Variants in MTSS1 observed in about 807,000 individuals in gnomAD.
MTSS1 encodes protein MTSS 1.
In MTSS1, 18 loss-of-function variants were observed where a neutral mutation model predicts 79.0. That is an observed-to-expected ratio of 0.23 (90% confidence interval 0.16 to 0.34). The LOEUF (loss-of-function observed/expected upper bound fraction) is 0.34. Among genes scored for constraint, MTSS1 ranks in the 10% least tolerant of loss-of-function variants. The pLI is 1.00. For missense variants in MTSS1, 815 were observed against 986.2 expected, an observed-to-expected ratio of 0.83 and a Z score of 2.33; for synonymous variants, 341 against 368.6, an observed-to-expected ratio of 0.93 and a Z score of 0.86.
intron 3 of MTSS1, among the ~76,000 whole-genome samples, chr8:124,690,852 A>G (rs934299511): frequency 7.9e-5 from 12 of 152,186 alleles, no homozygotes; most frequent in African/African-American, 2.9e-4. Context: ...AAAACAAGGT[A>G]TTTTTTTAAA....
chr8:124,697,330 C>T (rs1196620511), intron 3 of MTSS1, among the ~76,000 whole-genome samples: 1 of 151,460 alleles, frequency 6.6e-6, no homozygotes, highest in Admixed American at 6.6e-5. Context: ...GAGGCTGAGG[C>T]GGGCAGATCA....
At position 124,621,105 on chromosome 8, in the gene MTSS1, C is replaced by T. The variant is rs74720150; in HGVS notation, c.209-29870G>A. 5.2e-3 allele frequency among the ~76,000 whole-genome samples: 793 copies of T among 152,256 alleles called. 8 individuals carry two copies. The highest frequency in any genetic ancestry group is 0.018 in the African/African-American group (730 of 41,526). On this transcript the variant is annotated intron_variant, in intron 3 of 13. Coordinates refer to ENST00000518547, the MANE Select transcript of MTSS1 (RefSeq NM_014751.6). ...GACTCCTCTTCCTTCCCACGCATCC[C>T]ACTCTTCCCCTTTCCTCCACCCAAA...
Position 124,718,523 on chromosome 8 carries a change from C to A in MTSS1, c.72+9361G>T, listed in dbSNP as rs542405723. ...CAGGCCCTCGATCACATCCTGCTGC[C>A]GAGCGGGCTTTGAAGGTTCAGTAAA... On this transcript the variant is annotated intron_variant, in intron 1 of 13. Coordinates refer to ENST00000518547, the MANE Select transcript of MTSS1 (RefSeq NM_014751.6). Among the ~76,000 whole-genome samples, 4 of 152,180 alleles carry A rather than the reference C, an allele frequency of 2.6e-5. No individual in the cohort carries two copies. In the South Asian group the frequency reaches 8.3e-4, roughly 32 times the overall value.
At chr8:124,606,485 G>T (rs1019378528) in intron 3 of MTSS1, among the ~76,000 whole-genome samples, 9 of 152,200 alleles carry the variant, frequency 5.9e-5, no homozygotes, top group Admixed American at 3.3e-4. Flanking sequence ...TACAGATGAG[G>T]CCAAGGGTAC....
At chr8:124,692,620 C>T (rs761952870) in intron 3 of MTSS1, among the ~76,000 whole-genome samples, 2 of 152,162 alleles carry the variant, frequency 1.3e-5, no homozygotes, top group African/African-American at 2.4e-5. Context: ...TCCCCTCCTC[C>T]ACTCCATCCA....
chr8:124,645,012 TAGA>T (rs1315482165), intron 3 of MTSS1, among the ~76,000 whole-genome samples: 2 of 152,162 alleles, frequency 1.3e-5, no homozygotes, highest in African/African-American at 4.8e-5. Context: ...GGCCCAAATG[TAGA>T]GAAGGACATT....
chr8:124,552,901 CTTTTG>C lies in MTSS1; in HGVS notation c.*86_*90del, dbSNP rs1249669978. On this transcript the variant is annotated 3_prime_UTR_variant, in exon 14 of 14. Transcript: ENST00000518547. Reference sequence around the variant, plus strand: ...CTATATTCCGAGTTGCCTACAAAATCTTTTGTTTTATTATAGAGTGGAATGGATCA... The same window carrying C: ...CTATATTCCGAGTTGCCTACAAAATCTTTTATTATAGAGTGGAATGGATCA... The C allele has an allele frequency of 2.2e-6, 3 of 1,351,804 alleles. No homozygotes were observed. The highest frequency in any genetic ancestry group is 1.5e-5 in the African/African-American group (1 of 68,152). The allele number at this position is 1,351,804 out of a possible 1,614,324, so 83.7% of individuals were successfully genotyped here.
chr8:124,599,296 C>A (rs983208058), intron 3 of MTSS1, among the ~76,000 whole-genome samples: 3 of 152,010 alleles, frequency 2.0e-5, no homozygotes, highest in Admixed American at 6.5e-5. Flanking sequence ...CCAGCCTGGC[C>A]AACATGGTGA....
Position 124,727,421 on chromosome 8 carries a change from C to T in MTSS1, c.72+463G>A, listed in dbSNP as rs956923483. 2 of 389,158 alleles carry T rather than the reference C, an allele frequency of 5.1e-6. No individual in the cohort carries two copies. Among genetic ancestry groups the T allele is most frequent in the Non-Finnish European group, 1.0e-5 (2 of 196,642 alleles). The allele number at this position is 389,158 out of a possible 1,614,324, so 24.1% of individuals were successfully genotyped here. On this transcript the variant is annotated intron_variant, in intron 1 of 13. Transcript: ENST00000518547. This position sits in a 1 kb window ranked among gnomAD's most constrained non-coding sequence, Gnocchi z 4.7. ...AGGGACTGGCTTTCCCTCTCAGTCTCCTAGGCTAGGGGACTCCTTCCTGCG... is the reference window on the plus strand; with the variant it reads ...AGGGACTGGCTTTCCCTCTCAGTCTTCTAGGCTAGGGGACTCCTTCCTGCG...
rs191125971 is a variant in MTSS1 at position 124,642,641 on chromosome 8, G to A, written c.209-51406C>T. On this transcript the variant is annotated intron_variant, in intron 3 of 13. Coordinates refer to ENST00000518547, the MANE Select transcript of MTSS1 (RefSeq NM_014751.6). ...GAGTTTCACTCTTGTTGCCCAGTCT[G>A]CATTGCAATGGCATGATCTCGGCTC... 7.2e-5 allele frequency among the ~76,000 whole-genome samples: 11 copies of A among 152,062 alleles called. No individual in the cohort carries two copies. In the East Asian group the frequency reaches 2.1e-3, roughly 29 times the overall value.
At chr8:124,653,905 C>T (rs1052679328) in intron 3 of MTSS1, among the ~76,000 whole-genome samples, 8 of 152,254 alleles carry the variant, frequency 5.3e-5, no homozygotes, top group South Asian at 2.1e-4. Flanking sequence ...CAACAGATGC[C>T]GGAAACTTTA....
intron 3 of MTSS1, among the ~76,000 whole-genome samples, chr8:124,675,091 G>A (rs879346981): frequency 3.3e-5 from 5 of 152,220 alleles, no homozygotes; most frequent in East Asian, 1.9e-4. Context: ...GAAACAACAA[G>A]GCTGAGCTAG....
intron 3 of MTSS1, among the ~76,000 whole-genome samples, chr8:124,595,873 T>A (rs1587101790): frequency 1.3e-5 from 2 of 152,266 alleles, no homozygotes; most frequent in South Asian, 4.1e-4. Flanking sequence ...TGATGCTAAC[T>A]CCATCCCCTT....
chr8:124,674,473 G>C (rs559778027), intron 3 of MTSS1, among the ~76,000 whole-genome samples: 1 of 151,994 alleles, frequency 6.6e-6, no homozygotes, highest in African/African-American at 2.4e-5. Flanking sequence ...AGCCTCCCAA[G>C]TACCTGGGAT....
In MTSS1 at chr8:124,557,664, G is replaced by T. The variant is rs375054456; in HGVS notation, c.1230+17C>A. 8.1e-5 allele frequency: 126 copies of T among 1,554,034 alleles called. 1 individual carries two copies. Among genetic ancestry groups the T allele is most frequent in the Non-Finnish European group, 1.0e-4 (120 of 1,146,730 alleles). On this transcript the variant is annotated intron_variant, in intron 11 of 13. Coordinates refer to ENST00000518547, the MANE Select transcript of MTSS1 (RefSeq NM_014751.6). ...AGAGGCAATGACGGGGAGAGGAGGA[G>T]GGGGAGAGACACAAACCTTCCAGCT...
intron 3 of MTSS1, among the ~76,000 whole-genome samples, chr8:124,650,612 C>T (rs1257567200): frequency 6.6e-6 from 1 of 152,166 alleles, no homozygotes; most frequent in Non-Finnish European, 1.5e-5. Flanking sequence ...ATCAACCCAG[C>T]CTTCTGCCAT....
At chr8:124,684,906 A>G (rs1382853304) in intron 3 of MTSS1, among the ~76,000 whole-genome samples, 3 of 151,442 alleles carry the variant, frequency 2.0e-5, no homozygotes, top group Non-Finnish European at 4.4e-5. Context: ...TCATTCAAAG[A>G]AGATGTATTT....
At chr8:124,580,370 C>T in intron 6 of MTSS1, 2 of 598,152 alleles carry the variant, frequency 3.3e-6, no homozygotes, top group East Asian at 2.9e-5. Context: ...AAAAAGAAAA[C>T]AATTAAAACA....
At chr8:124,649,803 C>A (rs1819627806) in intron 3 of MTSS1, among the ~76,000 whole-genome samples, 1 of 152,102 alleles carries the variant, frequency 6.6e-6, no homozygotes, top group South Asian at 2.1e-4. Context: ...AAGGTCAGGA[C>A]TTAATGTTCT....
Sources: gnomAD v4.1 joint callset for allele counts (sites outside exome capture counted in the v4.1 genomes callset) on GRCh38, gnomAD v4.1.1 for gene constraint, Gnocchi (gnomAD v3.1) non-coding constraint, MANE v1.5 for transcripts, NCBI Gene and HGNC (gene_info 2026-07-23, HGNC 2026-07-21) for gene names.